The following RIF1 variants were observed in gnomAD, a reference collection of about 807,000 sequenced individuals.
RIF1 encodes replication timing regulatory factor 1.
RIF1 carries 45 observed loss-of-function variants against 247.1 expected under a neutral mutation model. The ratio of observed to expected loss-of-function variants is 0.18; its 90% CI spans 0.14 to 0.23. RIF1 has a LOEUF of 0.23. Ranked by LOEUF, RIF1 falls within the 10% of genes least tolerant of loss-of-function variation. RIF1 has a pLI of 1.00. For synonymous variants in RIF1, 1,087 were observed against 978.8 expected, an observed-to-expected ratio of 1.11 and a Z score of -2.06; for missense variants, 2,967 against 2,862.5, an observed-to-expected ratio of 1.04 and a Z score of -0.83.
At chr2:151,460,670 T>C (rs2152485261) in intron 26 of RIF1, among the ~76,000 whole-genome samples, 1 of 152,326 alleles carries the variant, frequency 6.6e-6, no homozygotes, top group Non-Finnish European at 1.5e-5. Context: ...TTTTTAAGAA[T>C]ACCTCTGCCA....
intron 11 of RIF1, among the ~76,000 whole-genome samples, chr2:151,435,862 G>T (rs1439629081): frequency 6.6e-6 from 1 of 151,300 alleles, no homozygotes; most frequent in Non-Finnish European, 1.5e-5. Context: ...GAGGTGCCTT[G>T]CAAAAAAAGC....
chr2:151,472,365 T>C lies in RIF1; in HGVS notation c.7096-1599T>C, dbSNP rs1316535853. On this transcript the variant is annotated intron_variant, in intron 34 of 35. Transcript: ENST00000444746. ...TTCCTAAGTGAATACCCTTTATTTC[T>C]TTCTCTTGCCTGATTGCCCTGGCCA... Among the ~76,000 whole-genome samples the C allele has an allele frequency of 2.6e-5, 4 of 152,168 alleles. No homozygotes were observed. The East Asian group carries it at 7.7e-4, about 29-fold the overall frequency.
intron 6 of RIF1, among the ~76,000 whole-genome samples, 182 bp from the exon 7 acceptor site, chr2:151,420,008 A>C (rs1369391595): frequency 2.0e-5 from 3 of 152,202 alleles, no homozygotes; most frequent in Non-Finnish European, 4.4e-5. Flanking sequence ...AAAAAAATTT[A>C]CAAAAGCAAT....
chr2:151,513,727 C>G, the RIF1 span: 1 of 1,362,844 alleles, frequency 7.3e-7, no homozygotes, highest in Non-Finnish European at 1.0e-6. Flanking sequence ...AAAAAGGTAC[C>G]TAAATGCTAC....
At position 151,414,928 on chromosome 2, in the gene RIF1, A is replaced by G; in HGVS notation, c.280+9A>G. 2 of 1,517,870 alleles carry G rather than the reference A, an allele frequency of 1.3e-6. No homozygotes were observed. Among genetic ancestry groups the G allele is most frequent in the East Asian group, 2.3e-5 (1 of 44,414 alleles). 94.0% of individuals were successfully genotyped at this position (1,517,870 alleles called of 1,614,324 possible). A position where few individuals can be genotyped will look rare whatever the true frequency, so the allele number is the denominator to read the frequency against. On this transcript the variant is annotated intron_variant, in intron 4 of 35. Coordinates refer to ENST00000444746, the MANE Select transcript of RIF1 (RefSeq NM_018151.5). ...TACCTCAGAATTATCAGGTAGATAA[A>G]TTTCTTATGACTTAATATTTTTAGA...
intron 15 of RIF1, 122 bp from the exon 16 acceptor site, chr2:151,441,783 G>T: frequency 2.1e-6 from 1 of 481,124 alleles, no homozygotes; most frequent in Non-Finnish European, 3.8e-6. Flanking sequence ...TAACTAATGA[G>T]ATTATATTTA....
rs900120455 is a variant in RIF1 at position 151,465,055 on chromosome 2, A to G, written c.5535A>G (p.Glu1845=). Reference sequence around the variant, plus strand: ...AAATTTGTGATATGGATTCTAGTGAAGCAATGTCTCTTGAAAGCCAGGAGT... The same window carrying G: ...AAATTTGTGATATGGATTCTAGTGAGGCAATGTCTCTTGAAAGCCAGGAGT... The part of the protein sequence containing the change: ...REEICDMDSS[E]AMSLESQESP... Residue 1845 remains glutamate (E), a synonymous_variant, in exon 30 of 36, where the codon GAA becomes GAG. Transcript: ENST00000444746. 27 of 1,592,092 alleles carry G rather than the reference A, an allele frequency of 1.7e-5. No individual in the cohort carries two copies. Among genetic ancestry groups the G allele is most frequent in the Non-Finnish European group, 2.3e-5 (27 of 1,174,526 alleles).
intron 3 of RIF1, 127 bp downstream of exon 3, chr2:151,411,465 CG>C: frequency 1.7e-6 from 1 of 580,152 alleles, no homozygotes; most frequent in East Asian, 3.0e-5. Flanking sequence ...GGCTCAGGCT[CG>C]GGCTCGGCTC....
intron 21 of RIF1, 61 bp downstream of exon 21, chr2:151,451,766 C>A: frequency 1.2e-6 from 1 of 865,676 alleles, no homozygotes; most frequent in Non-Finnish European, 1.9e-6. Flanking sequence ...CTGAACTTTG[C>A]CAGGGGAAGT....
the RIF1 span, chr2:151,531,162 A>T: frequency 8.9e-7 from 1 of 1,124,438 alleles, no homozygotes; most frequent in Non-Finnish European, 1.3e-6. Flanking sequence ...ATATCAAAAT[A>T]TAAATGCAAA....
intron 8 of RIF1, among the ~76,000 whole-genome samples, chr2:151,427,237 AGTTTCACTCTTGTT>A (rs1379868003): frequency 6.7e-6 from 1 of 149,768 alleles, no homozygotes; most frequent in Non-Finnish European, 1.5e-5. Context: ...TTTGAGACAG[AGTTTCACTCTTGTT>A]GCCCAGGCTG....
intron 8 of RIF1, among the ~76,000 whole-genome samples, chr2:151,426,323 C>T (rs55654831): frequency 0.26 from 39,008 of 150,654 alleles, 5,593 homozygotes; most frequent in Admixed American, 0.38. Context: ...TGCAGGCGCA[C>T]GCCACCACGC....
the RIF1 span, chr2:151,524,279 A>C: frequency 2.5e-6 from 4 of 1,569,166 alleles, no homozygotes; most frequent in Non-Finnish European, 3.5e-6. Context: ...ATCTCCTCAC[A>C]TGAGAGCCAC....
chr2:151,483,415 A>AT, downstream of RIF1: 1 of 152,254 alleles, frequency 6.6e-6, no homozygotes, highest in South Asian at 2.1e-4. Context: ...CTATAATGAG[A>AT]TTCAGTATAA....
intron 10 of RIF1, among the ~76,000 whole-genome samples, chr2:151,498,899 AG>A: frequency 6.6e-6 from 1 of 152,104 alleles, no homozygotes; most frequent in Middle Eastern, 3.4e-3. Flanking sequence ...GCTAAAAAAA[AG>A]AAACTTCAAA....
At chr2:151,424,254 C>T (rs1158375743) in intron 8 of RIF1, among the ~76,000 whole-genome samples, 1 of 152,108 alleles carries the variant, frequency 6.6e-6, no homozygotes, top group East Asian at 1.9e-4. Flanking sequence ...CAGGCATGTG[C>T]CAGTATGTCC....
In RIF1 at chr2:151,481,363, A is replaced by G. The variant is rs1258042879; in HGVS notation, c.*6292A>G. On this transcript the variant is annotated 3_prime_UTR_variant, in exon 36 of 36. Coordinates refer to ENST00000444746, the MANE Select transcript of RIF1 (RefSeq NM_018151.5). Reference sequence around the variant, plus strand: ...TAGGAAACACTACTACTTTATAAGTACACTTCTTTTTCCTACTTAAACTCT... The same window carrying G: ...TAGGAAACACTACTACTTTATAAGTGCACTTCTTTTTCCTACTTAAACTCT... The G allele has an allele frequency of 1.3e-5, 2 of 152,200 alleles. No individual in the cohort carries two copies. Among genetic ancestry groups the G allele is most frequent in the Non-Finnish European group, 2.9e-5 (2 of 68,028 alleles). The allele number at this position is 152,200 out of a possible 1,614,324, so 9.4% of individuals were successfully genotyped here.
In RIF1 at chr2:151,478,331, CA is replaced by C. The variant is rs2049029521; in HGVS notation, c.*3265del. The C allele has an allele frequency of 6.6e-6, 1 of 152,146 alleles. No homozygotes were observed. Among genetic ancestry groups the C allele is most frequent in the Non-Finnish European group, 1.5e-5 (1 of 68,042 alleles). The allele number at this position is 152,146 out of a possible 1,614,324, so 9.4% of individuals were successfully genotyped here. A position where few individuals can be genotyped will look rare whatever the true frequency, so the allele number is the denominator to read the frequency against. On this transcript the variant is annotated 3_prime_UTR_variant, in exon 36 of 36. Transcript: ENST00000444746. ...CGAAATCCTGTCTCTACTAAAAATA[CA>C]AAAACCAGCCAGGCATGTTGGCGCA...
At chr2:151,518,266 T>C in the RIF1 span, 1 of 1,295,406 alleles carries the variant, frequency 7.7e-7, no homozygotes, top group Non-Finnish European at 1.1e-6. Context: ...TTTTTCACAT[T>C]GTACTGTGGA....
Sources: gnomAD v4.1 joint callset for allele counts (sites outside exome capture counted in the v4.1 genomes callset) on GRCh38, gnomAD v4.1.1 for gene constraint, MANE v1.5 for transcripts, NCBI Gene and HGNC (gene_info 2026-07-23, HGNC 2026-07-21) for gene names.